Variants in C12orf54 observed in about 807,000 individuals in gnomAD.
C12orf54 encodes chromosome 12 open reading frame 54.
Under a neutral mutation model 26.4 loss-of-function variants are expected in C12orf54, and 24 were observed. The ratio of observed to expected loss-of-function variants is 0.91; its 90% CI spans 0.66 to 1.28. C12orf54 has a LOEUF of 1.28. C12orf54 is among the 50% of genes most tolerant of loss of function. C12orf54 has a pLI of 0.00. For synonymous variants in C12orf54, 54 were observed against 47.0 expected, an observed-to-expected ratio of 1.15 and a Z score of -0.61; for missense variants, 154 against 150.9, an observed-to-expected ratio of 1.02 and a Z score of -0.11.
At chr12:48,492,615 T>C (rs1460046433) in intron 6 of C12orf54, among the ~76,000 whole-genome samples, 1 of 152,154 alleles carries the variant, frequency 6.6e-6, no homozygotes, top group East Asian at 1.9e-4. Flanking sequence ...TTGTACCCAT[T>C]TCCCACACAA....
chr12:48,470,683 A>AT, the C12orf54 span, among the ~76,000 whole-genome samples: 19,172 of 150,854 alleles, frequency 0.13, 1,603 homozygotes, highest in Non-Finnish European at 0.2. Flanking sequence ...CCACTGGTCC[A>AT]TTTTTTTTTG....
the C12orf54 span, among the ~76,000 whole-genome samples, chr12:48,465,716 T>C: frequency 3.9e-5 from 6 of 152,152 alleles, no homozygotes; most frequent in Non-Finnish European, 8.8e-5. Context: ...ATACACACCA[T>C]GATACTATGC....
the C12orf54 span, among the ~76,000 whole-genome samples, chr12:48,471,689 T>G: frequency 6.6e-6 from 1 of 152,234 alleles, no homozygotes; most frequent in African/African-American, 2.4e-5. Flanking sequence ...TCTATTCTGT[T>G]CCATTTGTCT....
chr12:48,444,839 G>T, the C12orf54 span, among the ~76,000 whole-genome samples: 1 of 152,282 alleles, frequency 6.6e-6, no homozygotes, highest in Non-Finnish European at 1.5e-5. Flanking sequence ...ATCTAGTACT[G>T]TGGCAGTCAC....
At chr12:48,456,991 G>A in the C12orf54 span, among the ~76,000 whole-genome samples, 1 of 152,080 alleles carries the variant, frequency 6.6e-6, no homozygotes, top group Non-Finnish European at 1.5e-5. Flanking sequence ...TGATCCTACT[G>A]TTAAAATCTT....
At chr12:48,419,794 A>T in the C12orf54 span, among the ~76,000 whole-genome samples, 2 of 152,190 alleles carry the variant, frequency 1.3e-5, no homozygotes, top group African/African-American at 4.8e-5. Flanking sequence ...CTGACCCATT[A>T]ACAAATGCCC....
chr12:48,435,203 T>G, the C12orf54 span, among the ~76,000 whole-genome samples: 1 of 151,598 alleles, frequency 6.6e-6, no homozygotes, highest in East Asian at 1.9e-4. Flanking sequence ...TGAAGAGAAG[T>G]TTAGAGAAAA....
At chr12:48,484,332 G>A (rs1283614680) in intron 2 of C12orf54, among the ~76,000 whole-genome samples, 1 of 152,188 alleles carries the variant, frequency 6.6e-6, no homozygotes, top group African/African-American at 2.4e-5. Flanking sequence ...AGGAAGTTGG[G>A]AATCTGCTCT....
At chr12:48,422,456 T>G in the C12orf54 span, among the ~76,000 whole-genome samples, 1 of 152,204 alleles carries the variant, frequency 6.6e-6, no homozygotes, top group African/African-American at 2.4e-5. Flanking sequence ...CTTTTTAGCT[T>G]TCTACACTTT....
At chr12:48,472,780 A>G in the C12orf54 span, 2 of 1,614,216 alleles carry the variant, frequency 1.2e-6, no homozygotes, top group Non-Finnish European at 1.7e-6. Flanking sequence ...GGCCTCACAG[A>G]TGAATTTGAA....
chr12:48,474,006 G>A, the C12orf54 span, among the ~76,000 whole-genome samples: 2 of 152,124 alleles, frequency 1.3e-5, no homozygotes, highest in Non-Finnish European at 2.9e-5. Flanking sequence ...CTACAAAGAG[G>A]ACTCAGATGT....
At chr12:48,460,473 G>T in the C12orf54 span, among the ~76,000 whole-genome samples, 2 of 149,628 alleles carry the variant, frequency 1.3e-5, no homozygotes, top group Non-Finnish European at 3.0e-5. Flanking sequence ...AATGACACCA[G>T]ATGGAAATCT....
chr12:48,475,068 G>A, the C12orf54 span, among the ~76,000 whole-genome samples: 2 of 152,110 alleles, frequency 1.3e-5, no homozygotes, highest in East Asian at 3.9e-4. Flanking sequence ...GAACAATCAG[G>A]CATCAGCATT....
chr12:48,472,819 T>C, the C12orf54 span: 2 of 1,614,088 alleles, frequency 1.2e-6, no homozygotes, highest in East Asian at 2.2e-5. Context: ...ACAATCAACA[T>C]AGGCCTCACC....
the C12orf54 span, chr12:48,473,046 C>A: frequency 6.2e-7 from 1 of 1,614,114 alleles, no homozygotes. Flanking sequence ...GGTAACCAAC[C>A]TGAACAACTA....
the C12orf54 span, among the ~76,000 whole-genome samples, chr12:48,429,511 C>T: frequency 6.6e-6 from 1 of 151,942 alleles, no homozygotes; most frequent in Non-Finnish European, 1.5e-5. Context: ...AGTAGCTCTC[C>T]CATACACCAA....
At chr12:48,435,565 G>A in the C12orf54 span, among the ~76,000 whole-genome samples, 160 of 152,240 alleles carry the variant, frequency 1.1e-3, no homozygotes, top group African/African-American at 3.5e-3. Flanking sequence ...CTGATCTCTC[G>A]GCAGAAACTC....
At chr12:48,416,637 G>A in the C12orf54 span, among the ~76,000 whole-genome samples, 1 of 152,108 alleles carries the variant, frequency 6.6e-6, no homozygotes, top group African/African-American at 2.4e-5. Flanking sequence ...CGAGACAGGT[G>A]GGTCACCTGA....
chr12:48,451,503 G>A, the C12orf54 span, among the ~76,000 whole-genome samples: 53 of 152,170 alleles, frequency 3.5e-4, no homozygotes, highest in African/African-American at 1.3e-3. Context: ...GCAATCAGGC[G>A]AGAGAAAGAA....
Sources: allele counts gnomAD v4.1 joint callset (sites outside exome capture counted in the v4.1 genomes callset), GRCh38; gene constraint gnomAD v4.1.1; transcripts MANE v1.5; gene names NCBI Gene and HGNC (gene_info 2026-07-23, HGNC 2026-07-21).